CAP1: variants seen among roughly 807,000 people sequenced by gnomAD.
CAP1 encodes the protein cyclase associated actin cytoskeleton regulatory protein 1.
Under a neutral mutation model 58.2 loss-of-function variants are expected in CAP1, and 11 were observed. The ratio of observed to expected loss-of-function variants is 0.19; its 90% confidence interval spans 0.12 to 0.31. CAP1 has a LOEUF of 0.31. Among genes scored for constraint, CAP1 ranks in the 10% least tolerant of loss-of-function variants. The pLI is 1.00. For missense variants in CAP1, 423 were observed against 587.5 expected (o/e 0.72, Z 2.89); for synonymous variants, 183 against 213.8 (o/e 0.86, Z 1.26).
At chr1:40,052,753 T>C (rs1003075377) in intron 1 of CAP1, among the ~76,000 whole-genome samples, 3 of 151,854 alleles carry the variant, frequency 2.0e-5, no homozygotes, top group African/African-American at 4.8e-5. Context: ...CTGAATGTGA[T>C]TGAAAAAAAG....
chr1:40,052,729 A>G (rs1215336720), intron 1 of CAP1, among the ~76,000 whole-genome samples: 1 of 152,012 alleles, frequency 6.6e-6, no homozygotes, highest in Non-Finnish European at 1.5e-5. Context: ...CTTTCCAAAT[A>G]TGTCTCATCT....
intron 1 of CAP1, among the ~76,000 whole-genome samples, chr1:40,052,294 A>G (rs1477692586): frequency 6.6e-6 from 1 of 152,144 alleles, no homozygotes; most frequent in African/African-American, 2.4e-5. Flanking sequence ...CCATTATGTG[A>G]CTGTGTAAAG....
intron 7 of CAP1, among the ~76,000 whole-genome samples, 160 bp downstream of exon 7, chr1:40,066,480 A>G (rs1217671831): frequency 6.6e-6 from 1 of 152,214 alleles, no homozygotes; most frequent in Non-Finnish European, 1.5e-5. Context: ...AAGGGTAAAA[A>G]GAGTAGAGGA....
chr1:40,070,510 C>G lies in CAP1; in HGVS notation c.1198C>G (p.Gln400Glu). ...AATCAACAGTAAGGATGTCAAAGTT[C>G]AGGTAACTCGATATTTTGGCTCCTT... Reference protein sequence around the residue: ...EIINSKDVKVQVMGKVPTISI... With the variant: ...EIINSKDVKVEVMGKVPTISI... Residue 400 changes from glutamine (Q) to glutamate (E), a missense_variant and splice_region_variant, in exon 11 of 13, where the codon CAG becomes GAG. Coordinates refer to ENST00000372805, the MANE Select transcript of CAP1 (RefSeq NM_006367.4). The G allele has an allele frequency of 6.2e-7, 1 of 1,612,110 alleles. No homozygotes were observed. Among genetic ancestry groups the G allele is most frequent in the South Asian group, 1.1e-5 (1 of 91,020 alleles).
At chr1:40,064,917 G>C (rs1263460294) in intron 6 of CAP1, among the ~76,000 whole-genome samples, 1 of 152,198 alleles carries the variant, frequency 6.6e-6, no homozygotes, top group African/African-American at 2.4e-5. Context: ...ACTTGCTGGA[G>C]TAGCACTTTG....
chr1:40,043,867 T>C (rs549936880), intron 1 of CAP1, among the ~76,000 whole-genome samples: 2 of 130,858 alleles, frequency 1.5e-5, no homozygotes, highest in East Asian at 4.3e-4. Flanking sequence ...ATAGTGAGAC[T>C]CTGTCTCAAA....
At position 40,072,238 on chromosome 1, in the gene CAP1, G is replaced by T; in HGVS notation, c.*705G>T. 2.1e-4 allele frequency: 67 copies of T among 323,002 alleles called. No individual in the cohort carries two copies. Among genetic ancestry groups the T allele is most frequent in the South Asian group, 3.8e-4 (2 of 5,292 alleles). 20.0% of individuals were successfully genotyped at this position (323,002 alleles called of 1,614,324 possible). A position where few individuals can be genotyped will look rare whatever the true frequency, so the allele number is the denominator to read the frequency against. On this transcript the variant is annotated 3_prime_UTR_variant, in exon 13 of 13. Coordinates refer to ENST00000372805, the MANE Select transcript of CAP1 (RefSeq NM_006367.4). ...TCCCTGCCCAGCACCTTCCTATAGAGATGACTTTAAAAGGAAAAAAAAAAA... is the reference window on the plus strand; with the variant it reads ...TCCCTGCCCAGCACCTTCCTATAGATATGACTTTAAAAGGAAAAAAAAAAA...
intron 1 of CAP1, among the ~76,000 whole-genome samples, chr1:40,058,337 C>T (rs550496104): frequency 6.6e-6 from 1 of 152,166 alleles, no homozygotes; most frequent in Non-Finnish European, 1.5e-5. Context: ...TCTCATGCCT[C>T]TCTATCAGCA....
chr1:40,071,954 G>C lies in CAP1; in HGVS notation c.*421G>C. ...GAGCATGAAGGTAGCAGAAGCTGGTGTGTTTCCAGATGGTTCTTCTAACCA... is the reference window on the plus strand; with the variant it reads ...GAGCATGAAGGTAGCAGAAGCTGGTCTGTTTCCAGATGGTTCTTCTAACCA... On this transcript the variant is annotated 3_prime_UTR_variant, in exon 13 of 13. Transcript: ENST00000372805. 1 of 409,352 alleles carries C rather than the reference G, an allele frequency of 2.4e-6. No homozygotes were observed. The highest frequency in any genetic ancestry group is 3.5e-5 in the East Asian group (1 of 28,550). The allele number at this position is 409,352 out of a possible 1,614,324, so 25.4% of individuals were successfully genotyped here.
At position 40,059,471 on chromosome 1, in the gene CAP1, C is replaced by CAGCCCAGCAGAATGCTTT. The variant is rs1168050870; in HGVS notation, c.112+14_112+31dup. ...AGTCCTTCAAAAGGTAAGCAGTCCA[C>CAGCCCAGCAGAATGCTTT]AGCCCAGCAGAATGCTTTCTTTGAG... is the stretch of plus-strand genomic sequence containing the variant. On this transcript the variant is annotated intron_variant, in intron 2 of 12. Coordinates refer to ENST00000372805, the MANE Select transcript of CAP1 (RefSeq NM_006367.4). The CAGCCCAGCAGAATGCTTT allele has an allele frequency of 6.8e-7, 1 of 1,471,510 alleles. No homozygotes were observed. Among genetic ancestry groups the CAGCCCAGCAGAATGCTTT allele is most frequent in the Admixed American group, 1.7e-5 (1 of 58,466 alleles). The allele number at this position is 1,471,510 out of a possible 1,614,324, so 91.2% of individuals were successfully genotyped here.
At chr1:40,056,423 G>A (rs953627581) in intron 1 of CAP1, among the ~76,000 whole-genome samples, 6 of 151,988 alleles carry the variant, frequency 3.9e-5, no homozygotes, top group Admixed American at 3.3e-4. Flanking sequence ...AGCCTCCTGG[G>A]TAGCTGGGAC....
intron 1 of CAP1, among the ~76,000 whole-genome samples, chr1:40,044,646 T>A (rs901464222): frequency 6.6e-6 from 1 of 152,118 alleles, no homozygotes; most frequent in African/African-American, 2.4e-5. Context: ...TTAATTTTTA[T>A]TAGATGATAC....
At position 40,070,297 on chromosome 1, in the gene CAP1, CT is replaced by C; in HGVS notation, c.1117+16del. 1 of 1,614,054 alleles carries C rather than the reference CT, an allele frequency of 6.2e-7. No individual in the cohort carries two copies. The highest frequency in any genetic ancestry group is 8.5e-7 in the Non-Finnish European group (1 of 1,179,928). On this transcript the variant is annotated intron_variant, in intron 10 of 12. Coordinates refer to ENST00000372805, the MANE Select transcript of CAP1 (RefSeq NM_006367.4). ...CATTACAGTAGGTGAGTCTTTGTCG[CT>C]GTCCCACGCAAGCCCCGTCCCAGAG...
chr1:40,053,767 C>T (rs920929624), intron 1 of CAP1, among the ~76,000 whole-genome samples: 7 of 152,112 alleles, frequency 4.6e-5, no homozygotes, highest in Non-Finnish European at 8.8e-5. Flanking sequence ...CTTTTAACTG[C>T]TGTGAATGTC....
chr1:40,059,536 C>T (rs1234197742), intron 2 of CAP1, 78 bp downstream of exon 2: 19 of 817,128 alleles, frequency 2.3e-5, no homozygotes, highest in Middle Eastern at 4.6e-4. Flanking sequence ...TCTCCTTTGG[C>T]GCTAACTTCC....
intron 1 of CAP1, among the ~76,000 whole-genome samples, chr1:40,043,217 A>T (rs757166017): frequency 2.8e-4 from 42 of 152,180 alleles, no homozygotes; most frequent in Middle Eastern, 6.8e-3. Context: ...GTTTGTTTTG[A>T]GACGGAGTCT....
chr1:40,053,851 A>C (rs3122413), intron 1 of CAP1, among the ~76,000 whole-genome samples: 82,509 of 152,110 alleles, frequency 0.54, 24,121 homozygotes, highest in Non-Finnish European at 0.67. Flanking sequence ...TTTAAGTCTC[A>C]AAAGAATCAA....
At chr1:40,064,154 C>T in intron 4 of CAP1, 73 bp from the exon 5 acceptor site, 1 of 1,491,704 alleles carries the variant, frequency 6.7e-7, no homozygotes, top group African/African-American at 1.4e-5. Context: ...GAATTCTTGC[C>T]TTCAGGATCA....
intron 3 of CAP1, 112 bp from the exon 4 acceptor site, chr1:40,061,623 T>C (rs1447228569): frequency 1.2e-6 from 1 of 836,054 alleles, no homozygotes; most frequent in African/African-American, 1.7e-5. Flanking sequence ...GAGGATAACA[T>C]GAAGTGCCTG....
Sources: gnomAD v4.1 joint callset for allele counts (sites outside exome capture counted in the v4.1 genomes callset) on GRCh38, gnomAD v4.1.1 for gene constraint, MANE v1.5 for transcripts, NCBI Gene and HGNC (gene_info 2026-07-23, HGNC 2026-07-21) for gene names.